Variants in NRG1 observed in about 807,000 individuals in gnomAD.
NRG1 encodes the protein pro-neuregulin-1, membrane-bound isoform.
A neutral mutation model predicts 63.8 loss-of-function variants in NRG1; 18 were observed. That is an observed-to-expected ratio of 0.28 (90% CI 0.19 to 0.42). NRG1 has a LOEUF of 0.42. NRG1 is among the 10% of genes least tolerant of loss of function. NRG1 has a pLI of 1.00. For synonymous variants in NRG1, 302 were observed against 301.3 expected (o/e 1.00, Z -0.02); for missense variants, 762 against 814.7 (o/e 0.94, Z 0.79).
chr8:32,767,419 A>T (rs1431939371), exon 12 of NRG1: 1 of 152,232 alleles, frequency 6.6e-6, no homozygotes, highest in Non-Finnish European at 1.5e-5. Flanking sequence ...CACCAGCCAG[A>T]GATTTCTATC....
chr8:31,729,311 C>A (rs1055279680), intron 1 of NRG1, among the ~76,000 whole-genome samples: 1 of 151,756 alleles, frequency 6.6e-6, no homozygotes. Flanking sequence ...CTGCTTTCTA[C>A]CTTGGCAAGT....
At chr8:31,760,492 A>T (rs1817423095) in intron 1 of NRG1, among the ~76,000 whole-genome samples, 1 of 152,208 alleles carries the variant, frequency 6.6e-6, no homozygotes, top group Non-Finnish European at 1.5e-5. Flanking sequence ...AGCAAAAGAA[A>T]CTATCATCAG....
chr8:32,463,747 G>A (rs1362211022), intron 1 of NRG1, among the ~76,000 whole-genome samples: 1 of 151,744 alleles, frequency 6.6e-6, no homozygotes, highest in African/African-American at 2.4e-5. Flanking sequence ...AGGCTGAGGT[G>A]TAAGGATCAC....
At chr8:32,464,099 T>C (rs1451079120) in intron 1 of NRG1, among the ~76,000 whole-genome samples, 3 of 151,666 alleles carry the variant, frequency 2.0e-5, no homozygotes, top group Non-Finnish European at 4.4e-5. Context: ...TTTCACCGTG[T>C]TGGCCAGGAT....
chr8:32,202,706 A>T (rs889836809), intron 1 of NRG1, among the ~76,000 whole-genome samples: 1 of 151,658 alleles, frequency 6.6e-6, no homozygotes, highest in Admixed American at 6.6e-5. Flanking sequence ...CCTGTAGTTC[A>T]TCGGTCCCGT....
intron 1 of NRG1, among the ~76,000 whole-genome samples, chr8:32,111,067 A>C (rs1305137503): frequency 6.6e-6 from 1 of 152,174 alleles, no homozygotes; most frequent in East Asian, 1.9e-4. Context: ...AAATAAGCTT[A>C]GGATTCGTAT....
chr8:31,716,639 A>C (rs1291546756), intron 1 of NRG1, among the ~76,000 whole-genome samples: 1 of 152,204 alleles, frequency 6.6e-6, no homozygotes, highest in Non-Finnish European at 1.5e-5. Context: ...ACCTTTTATT[A>C]AAGTAAATAT....
intron 1 of NRG1, among the ~76,000 whole-genome samples, chr8:31,808,413 A>G (rs1031482453): frequency 2.6e-5 from 4 of 152,058 alleles, no homozygotes; most frequent in African/African-American, 7.2e-5. Context: ...AGTTTAACAG[A>G]TAATTTAGCC....
intron 1 of NRG1, among the ~76,000 whole-genome samples, chr8:32,567,024 G>T (rs571088304): frequency 1.3e-5 from 2 of 152,204 alleles, no homozygotes; most frequent in South Asian, 4.1e-4. Context: ...TGTATTTTTC[G>T]TAGAGACGGG....
intron 1 of NRG1, among the ~76,000 whole-genome samples, chr8:32,218,989 G>A (rs1331218089): frequency 6.6e-6 from 1 of 152,166 alleles, no homozygotes; most frequent in African/African-American, 2.4e-5. Flanking sequence ...CAAACCCTGT[G>A]CCAGGTGTTA....
intron 1 of NRG1, among the ~76,000 whole-genome samples, chr8:31,786,189 C>T (rs539230299): frequency 5.3e-5 from 8 of 152,230 alleles, no homozygotes; most frequent in Admixed American, 2.6e-4. Flanking sequence ...AATTGAGTTT[C>T]GATTCTGACT....
At chr8:31,777,861 C>T (rs1031719206) in intron 1 of NRG1, among the ~76,000 whole-genome samples, 16 of 152,064 alleles carry the variant, frequency 1.1e-4, no homozygotes, top group African/African-American at 3.9e-4. Flanking sequence ...TCAGTCATTA[C>T]CTTGAGGATA....
intron 1 of NRG1, among the ~76,000 whole-genome samples, chr8:31,924,198 A>G (rs1834146188): frequency 6.6e-6 from 1 of 151,854 alleles, no homozygotes; most frequent in African/African-American, 2.4e-5. Context: ...ACTGAAAAAA[A>G]AAAAAATCTA....
At chr8:32,269,049 C>T (rs1327433841) in intron 1 of NRG1, among the ~76,000 whole-genome samples, 1 of 151,974 alleles carries the variant, frequency 6.6e-6, no homozygotes, top group Non-Finnish European at 1.5e-5. Context: ...TCTGTACATT[C>T]CTCCTTCCCT....
intron 5 of NRG1, among the ~76,000 whole-genome samples, chr8:32,700,830 T>G (rs1002723998): frequency 1.3e-5 from 2 of 152,186 alleles, no homozygotes; most frequent in African/African-American, 4.8e-5. Flanking sequence ...CCCTGATTCC[T>G]TTTCATCCCC....
chr8:32,386,342 G>A (rs1326793122), intron 1 of NRG1, among the ~76,000 whole-genome samples: 1 of 152,184 alleles, frequency 6.6e-6, no homozygotes, highest in Non-Finnish European at 1.5e-5. Flanking sequence ...TCAGTGGACA[G>A]AGCTAAGAGT....
chr8:31,845,428 A>G (rs749778870), intron 1 of NRG1, among the ~76,000 whole-genome samples: 2 of 152,150 alleles, frequency 1.3e-5, no homozygotes, highest in Non-Finnish European at 2.9e-5. Flanking sequence ...GGTTATTATT[A>G]CAGTTCTTTT....
At chr8:31,641,334 G>GT (rs34431458) in intron 1 of NRG1, among the ~76,000 whole-genome samples, 32,170 of 148,350 alleles carry the variant, frequency 0.22, 4,096 homozygotes, top group East Asian at 0.3. Flanking sequence ...ATTGGTGGGG[G>GT]TTTTTTTTTT....
chr8:31,794,276 G>A (rs1006456620), intron 1 of NRG1, among the ~76,000 whole-genome samples: 1 of 152,054 alleles, frequency 6.6e-6, no homozygotes, highest in African/African-American at 2.4e-5. Context: ...GACAGGGATA[G>A]ACCTTCTTCA....
Sources: allele counts gnomAD v4.1 joint callset (sites outside exome capture counted in the v4.1 genomes callset), GRCh38; gene constraint gnomAD v4.1.1; transcripts MANE v1.5; gene names NCBI Gene and HGNC (gene_info 2026-07-23, HGNC 2026-07-21).